Variants in COP1 observed in about 807,000 individuals in gnomAD.
COP1 encodes COP1 E3 ubiquitin ligase.
COP1 carries 24 observed loss-of-function variants against 101.3 expected under a neutral mutation model. The observed-to-expected ratio is 0.24, with a 90% confidence interval of 0.17 to 0.33. The LOEUF (loss-of-function observed/expected upper bound fraction) is 0.33, where lower values mean the gene tolerates loss of function less well. COP1 is among the 10% of genes least tolerant of loss of function. The pLI is 1.00. For missense variants in COP1, 663 were observed against 906.2 expected, an observed-to-expected ratio of 0.73 and a Z score of 3.45; for synonymous variants, 347 against 341.9, an observed-to-expected ratio of 1.01 and a Z score of -0.17.
intron 5 of COP1, among the ~76,000 whole-genome samples, chr1:176,151,821 G>A (rs1692641283): frequency 2.0e-5 from 3 of 152,060 alleles, no homozygotes; most frequent in Admixed American, 6.5e-5. Context: ...TAATGTAACT[G>A]ATTTTTAAAT....
At chr1:176,156,154 A>C (rs1033205324) in intron 5 of COP1, among the ~76,000 whole-genome samples, 1 of 152,172 alleles carries the variant, frequency 6.6e-6, no homozygotes, top group African/African-American at 2.4e-5. Flanking sequence ...AAAAAGGGGA[A>C]GTTTAGTAAA....
chr1:176,017,813 C>T (rs944793981), intron 15 of COP1, among the ~76,000 whole-genome samples: 11 of 152,360 alleles, frequency 7.2e-5, no homozygotes, highest in Non-Finnish European at 1.6e-4. Flanking sequence ...GTGTGAGCCA[C>T]TGTGCCCAGA....
At chr1:176,038,773 A>G (rs1276118126) in intron 14 of COP1, among the ~76,000 whole-genome samples, 1 of 151,652 alleles carries the variant, frequency 6.6e-6, no homozygotes, top group Non-Finnish European at 1.5e-5. Flanking sequence ...AGCCAAGATC[A>G]TATCATTGCA....
intron 15 of COP1, among the ~76,000 whole-genome samples, chr1:175,996,695 C>T (rs1455835089): frequency 1.6e-4 from 24 of 152,048 alleles, no homozygotes; most frequent in South Asian, 4.1e-4. Context: ...TTACAAGGGA[C>T]ATGAAGGACC....
At chr1:176,126,466 CT>C (rs1173236389) in intron 8 of COP1, among the ~76,000 whole-genome samples, 1 of 151,164 alleles carries the variant, frequency 6.6e-6, no homozygotes, top group Non-Finnish European at 1.5e-5. Context: ...TTTTTCTTTT[CT>C]TTTTTTTTGA....
At chr1:176,117,442 T>C (rs1686378934) in intron 8 of COP1, among the ~76,000 whole-genome samples, 1 of 152,136 alleles carries the variant, frequency 6.6e-6, no homozygotes, top group South Asian at 2.1e-4. Flanking sequence ...TCCTCTATCT[T>C]AGCATTTCTA....
At chr1:176,021,990 A>C (rs1666833423) in intron 15 of COP1, among the ~76,000 whole-genome samples, 1 of 152,198 alleles carries the variant, frequency 6.6e-6, no homozygotes, top group African/African-American at 2.4e-5. Flanking sequence ...CTATCATAGA[A>C]AGATCTATAA....
At chr1:176,080,049 C>G (rs1678817899) in intron 11 of COP1, among the ~76,000 whole-genome samples, 1 of 151,242 alleles carries the variant, frequency 6.6e-6, no homozygotes, top group Admixed American at 6.6e-5. Context: ...TATCTGGAAA[C>G]TAGTAACAGC....
rs147360851 is a variant in COP1, at chr1:176,062,154, G to C, written c.1278-15830C>G. Among the ~76,000 whole-genome samples, 399 of 152,028 alleles carry C rather than the reference G, an allele frequency of 2.6e-3. 3 individuals carry two copies. The highest frequency in any genetic ancestry group is 9.2e-3 in the African/African-American group (381 of 41,488). On this transcript the variant is annotated intron_variant, in intron 11 of 19. Transcript: ENST00000367669. ...TAGCTGGGACTACAGGCGCCCGCCA[G>C]CACGCCTGGATAATTTTTTTTGTGT... is the stretch of plus-strand genomic sequence containing the variant.
intron 18 of COP1, among the ~76,000 whole-genome samples, chr1:175,971,601 GC>G (rs1302017347): frequency 1.6e-4 from 24 of 151,992 alleles, no homozygotes; most frequent in Admixed American, 1.6e-3. Context: ...TACTCCACCC[GC>G]CACTCTCCAA....
chr1:176,023,937 G>C (rs1667230123), intron 15 of COP1, among the ~76,000 whole-genome samples: 1 of 151,998 alleles, frequency 6.6e-6, no homozygotes, highest in Admixed American at 6.6e-5. Context: ...GTAGCTCTTT[G>C]CTGTCAAAGA....
At chr1:176,202,937 G>A (rs1700418307) in intron 1 of COP1, among the ~76,000 whole-genome samples, 1 of 152,056 alleles carries the variant, frequency 6.6e-6, no homozygotes, top group Non-Finnish European at 1.5e-5. Flanking sequence ...AGCTCCTTAA[G>A]AAGAGAGAAT....
chr1:176,133,136 A>T (rs1260626992), intron 8 of COP1, among the ~76,000 whole-genome samples: 1 of 139,268 alleles, frequency 7.2e-6, no homozygotes, highest in Non-Finnish European at 1.6e-5. Context: ...ATACCCATAC[A>T]CATACGTATA....
In COP1 at chr1:175,952,588, T is replaced by G. The variant is rs111732929; in HGVS notation, c.2134-5349A>C. On this transcript the variant is annotated intron_variant, in intron 18 of 19. Coordinates refer to ENST00000367669, the MANE Select transcript of COP1 (RefSeq NM_022457.7). ...AAGGAAGTTCTTCAGGATGAAGGAA[T>G]ATTATACTACATGAAAACTCTGATC... 2.2e-3 allele frequency among the ~76,000 whole-genome samples: 332 copies of G among 152,094 alleles called. 2 individuals carry two copies. The highest frequency in any genetic ancestry group is 7.2e-3 in the African/African-American group (298 of 41,496).
At chr1:175,955,636 A>G (rs1231051952) in intron 18 of COP1, among the ~76,000 whole-genome samples, 1 of 152,194 alleles carries the variant, frequency 6.6e-6, no homozygotes, top group Non-Finnish European at 1.5e-5. Context: ...CTTCAGCAAG[A>G]TTGTCAGACA....
At chr1:175,966,048 T>C (rs1651978882) in intron 18 of COP1, among the ~76,000 whole-genome samples, 1 of 152,198 alleles carries the variant, frequency 6.6e-6, no homozygotes, top group South Asian at 2.1e-4. Context: ...TTAAATGCCA[T>C]TTGTAAGCCT....
chr1:176,001,843 G>T (rs1236301015), intron 15 of COP1, among the ~76,000 whole-genome samples: 1 of 151,918 alleles, frequency 6.6e-6, no homozygotes, highest in Non-Finnish European at 1.5e-5. Flanking sequence ...CTTCATTTTT[G>T]ATGAATAGTT....
rs1672374617 is a variant in COP1 at position 176,050,584 on chromosome 1, A to G, written c.1278-4260T>C. 5.9e-5 allele frequency among the ~76,000 whole-genome samples: 9 copies of G among 152,328 alleles called. No individual in the cohort carries two copies. In the South Asian group the frequency reaches 1.9e-3, roughly 32 times the overall value. On this transcript the variant is annotated intron_variant, in intron 11 of 19. Coordinates refer to ENST00000367669, the MANE Select transcript of COP1 (RefSeq NM_022457.7). ...AACTAAAACTTTAAGGAAACAAAAT[A>G]TACGTTTAGAAACTGGCCATTTTAA...
chr1:176,190,164 A>G (rs1250335929), intron 1 of COP1, among the ~76,000 whole-genome samples: 3 of 152,136 alleles, frequency 2.0e-5, no homozygotes, highest in African/African-American at 7.2e-5. Flanking sequence ...GAAGTGTTTC[A>G]GATTCGGATC....
Sources: gnomAD v4.1 joint callset for allele counts (sites outside exome capture counted in the v4.1 genomes callset) on GRCh38, gnomAD v4.1.1 for gene constraint, MANE v1.5 for transcripts, NCBI Gene and HGNC (gene_info 2026-07-23, HGNC 2026-07-21) for gene names.